RALGPS1: variants seen among roughly 807,000 people sequenced by gnomAD.
The protein encoded by RALGPS1 is Ral GEF with PH domain and SH3 binding motif 1, also known as ras-specific guanine nucleotide-releasing factor RalGPS1.
In RALGPS1, 19 loss-of-function variants were observed where a neutral mutation model predicts 78.8. The ratio of observed to expected loss-of-function variants is 0.24; its 90% CI spans 0.17 to 0.35. RALGPS1 has a LOEUF of 0.35. RALGPS1 is among the 10% of genes least tolerant of loss of function. The pLI is 1.00. For missense variants in RALGPS1, 454 were observed against 688.3 expected, an observed-to-expected ratio of 0.66 and a Z score of 3.81; for synonymous variants, 228 against 256.3, an observed-to-expected ratio of 0.89 and a Z score of 1.06.
intron 8 of RALGPS1, chr9:127,093,986 G>A: frequency 6.4e-7 from 1 of 1,565,790 alleles, no homozygotes; most frequent in Non-Finnish European, 8.7e-7. Flanking sequence ...CGCACCCCCA[G>A]CTGCACCCCA....
intron 8 of RALGPS1, among the ~76,000 whole-genome samples, chr9:127,092,952 T>C (rs1053206535): frequency 1.3e-5 from 2 of 152,132 alleles, no homozygotes; most frequent in African/African-American, 2.4e-5. Flanking sequence ...TCAGCTGCAG[T>C]CACTACTGGG....
At chr9:126,997,688 C>A (rs1227154872) in intron 4 of RALGPS1, among the ~76,000 whole-genome samples, 3 of 152,106 alleles carry the variant, frequency 2.0e-5, no homozygotes, top group Non-Finnish European at 2.9e-5. Flanking sequence ...TCATATGGAA[C>A]CAAAAAAGAG....
chr9:126,969,584 CTA>C (rs2039901268), intron 3 of RALGPS1, among the ~76,000 whole-genome samples: 1 of 152,158 alleles, frequency 6.6e-6, no homozygotes, highest in Non-Finnish European at 1.5e-5. Context: ...GGCCTAGCTT[CTA>C]TGTTCTATTT....
At chr9:127,201,964 G>A (rs2061657081) in intron 14 of RALGPS1, among the ~76,000 whole-genome samples, 1 of 152,232 alleles carries the variant, frequency 6.6e-6, no homozygotes, top group Admixed American at 6.5e-5. Context: ...GGGGAGGCCT[G>A]GGCCACGCAG....
intron 3 of RALGPS1, among the ~76,000 whole-genome samples, chr9:126,968,136 G>C (rs924509250): frequency 6.6e-6 from 1 of 151,778 alleles, no homozygotes; most frequent in Non-Finnish European, 1.5e-5. Context: ...CCGAGTAGCT[G>C]GGATTATAGG....
intron 1 of RALGPS1, among the ~76,000 whole-genome samples, chr9:126,944,388 T>C (rs1007508499): frequency 6.6e-6 from 1 of 150,990 alleles, no homozygotes; most frequent in Non-Finnish European, 1.5e-5. Flanking sequence ...GAAAAGGAGG[T>C]CAAGACCCCC....
intron 8 of RALGPS1, among the ~76,000 whole-genome samples, chr9:127,143,433 T>TA (rs1484890990): frequency 6.6e-6 from 1 of 152,206 alleles, no homozygotes; most frequent in Non-Finnish European, 1.5e-5. Context: ...TTTACACCTC[T>TA]CAGTTCTCTC....
intron 7 of RALGPS1, among the ~76,000 whole-genome samples, chr9:127,054,416 C>G (rs1176920639): frequency 6.6e-6 from 1 of 152,194 alleles, no homozygotes; most frequent in Non-Finnish European, 1.5e-5. Context: ...TCTCAACAAT[C>G]CCTATAAGCT....
chr9:127,025,640 G>T (rs1159254529), intron 4 of RALGPS1, among the ~76,000 whole-genome samples: 1 of 151,664 alleles, frequency 6.6e-6, no homozygotes, highest in Non-Finnish European at 1.5e-5. Flanking sequence ...CTTCCCCTGT[G>T]TTTACTTGCC....
intron 3 of RALGPS1, among the ~76,000 whole-genome samples, chr9:126,976,420 TCACACA>T (rs5900740): frequency 2.0e-5 from 3 of 150,020 alleles, no homozygotes; most frequent in Non-Finnish European, 3.0e-5. Context: ...CACCATATAC[TCACACA>T]CACACACACA....
Position 127,221,360 on chromosome 9 carries a change from A to G in RALGPS1, c.*2591A>G, listed in dbSNP as rs1365542481. ...TGAAGGGATTATTTCTTGCATGCAT[A>G]TGCTGAATTTTTTTAAGCAAATGGA... On this transcript the variant is annotated 3_prime_UTR_variant, in exon 19 of 19. Transcript: ENST00000259351. 6.6e-6 allele frequency: 1 copy of G among 152,226 alleles called. No homozygotes were observed. Among genetic ancestry groups the G allele is most frequent in the Non-Finnish European group, 1.5e-5 (1 of 68,040 alleles). 9.4% of individuals were successfully genotyped at this position (152,226 alleles called of 1,614,324 possible). A position where few individuals can be genotyped will look rare whatever the true frequency, so the allele number is the denominator to read the frequency against.
At chr9:126,918,807 G>C (rs2034452686) in intron 1 of RALGPS1, among the ~76,000 whole-genome samples, 1 of 151,764 alleles carries the variant, frequency 6.6e-6, no homozygotes, top group South Asian at 2.1e-4. Flanking sequence ...AGAGTAGCTG[G>C]GATTACAGGC....
chr9:126,915,266 G>C (rs1344875781), intron 1 of RALGPS1, among the ~76,000 whole-genome samples: 9 of 140,092 alleles, frequency 6.4e-5, no homozygotes, highest in African/African-American at 2.4e-4. Flanking sequence ...GAAGAGGCGC[G>C]GGCGCGGGGG....
At chr9:127,044,070 A>G (rs1288086471) in intron 5 of RALGPS1, among the ~76,000 whole-genome samples, 1 of 152,180 alleles carries the variant, frequency 6.6e-6, no homozygotes, top group African/African-American at 2.4e-5. Context: ...CACACACAAA[A>G]AACAGCACAC....
chr9:127,021,375 C>T (rs1403205212), intron 4 of RALGPS1, among the ~76,000 whole-genome samples: 2 of 152,044 alleles, frequency 1.3e-5, no homozygotes, highest in South Asian at 2.1e-4. Context: ...TATTGGTGCA[C>T]CTGTAATACC....
In RALGPS1 at chr9:127,177,284, G is replaced by T. The variant is rs561398822; in HGVS notation, c.910+2502G>T. 1.1e-4 allele frequency among the ~76,000 whole-genome samples: 16 copies of T among 152,246 alleles called. No individual in the cohort carries two copies. The South Asian group carries it at 3.3e-3, about 32-fold the overall frequency. ...CTAGCCCAAGTGTGGAGGAGATCCT[G>T]TTGCTGCAGCCTCACGACTGAGCCT... On this transcript the variant is annotated intron_variant, in intron 11 of 18. Coordinates refer to ENST00000259351, the MANE Select transcript of RALGPS1 (RefSeq NM_014636.3).
At chr9:126,989,075 T>G (rs754492429) in intron 4 of RALGPS1, among the ~76,000 whole-genome samples, 2 of 151,982 alleles carry the variant, frequency 1.3e-5, no homozygotes, top group Admixed American at 6.6e-5. Flanking sequence ...CTTATCATCA[T>G]CATCATCAGC....
intron 8 of RALGPS1, among the ~76,000 whole-genome samples, chr9:127,147,482 T>C (rs1014480521): frequency 6.6e-6 from 1 of 152,248 alleles, no homozygotes; most frequent in African/African-American, 2.4e-5. Context: ...ATTTCCTAGA[T>C]TGTCTTTTAG....
At chr9:127,071,033 C>CTATA (rs1420796515) in intron 8 of RALGPS1, among the ~76,000 whole-genome samples, 12 of 119,690 alleles carry the variant, frequency 1.0e-4, no homozygotes, top group African/African-American at 3.4e-4. Context: ...ATCTCTCTCT[C>CTATA]TCTCTCTATA....
Sources: gnomAD v4.1 joint callset for allele counts (sites outside exome capture counted in the v4.1 genomes callset) on GRCh38, gnomAD v4.1.1 for gene constraint, MANE v1.5 for transcripts, NCBI Gene and HGNC (gene_info 2026-07-23, HGNC 2026-07-21) for gene names.